Variants in SMYD3 observed in about 807,000 individuals in gnomAD.
The protein encoded by SMYD3 is SET and MYND domain containing 3.
Under a neutral mutation model 57.7 loss-of-function variants are expected in SMYD3, and 36 were observed. The ratio of observed to expected loss-of-function variants is 0.62; its 90% confidence interval spans 0.48 to 0.82. The LOEUF (loss-of-function observed/expected upper bound fraction) is 0.82. SMYD3 is among the 40% of genes least tolerant of loss of function. The pLI, the probability that SMYD3 is intolerant of heterozygous loss-of-function variation, is 0.00. For synonymous variants in SMYD3, 211 were observed against 195.0 expected (o/e 1.08, Z -0.68); for missense variants, 515 against 538.8 (o/e 0.96, Z 0.44).
At chr1:246,219,834 T>A (rs997380144) in intron 5 of SMYD3, among the ~76,000 whole-genome samples, 1 of 152,004 alleles carries the variant, frequency 6.6e-6, no homozygotes, top group African/African-American at 2.4e-5. Flanking sequence ...CCTGCATGCC[T>A]CCTTTCATGA....
chr1:245,914,787 A>G (rs541055666), intron 8 of SMYD3, among the ~76,000 whole-genome samples: 107 of 152,352 alleles, frequency 7.0e-4, no homozygotes, highest in African/African-American at 2.4e-3. Flanking sequence ...ATGAGGTGAC[A>G]GATATGCTAA....
chr1:246,246,225 G>A (rs913953791), intron 5 of SMYD3, among the ~76,000 whole-genome samples: 9 of 152,150 alleles, frequency 5.9e-5, no homozygotes, highest in African/African-American at 1.4e-4. Flanking sequence ...TTAATAAAAC[G>A]TTCTTCTCTT....
intron 1 of SMYD3, among the ~76,000 whole-genome samples, chr1:246,423,041 T>A (rs2067165823): frequency 1.3e-5 from 2 of 152,144 alleles, no homozygotes; most frequent in Non-Finnish European, 1.5e-5. Flanking sequence ...CTCAGGCATA[T>A]AATTCCAATC....
intron 1 of SMYD3, among the ~76,000 whole-genome samples, chr1:246,497,230 T>C (rs2068377674): frequency 6.6e-6 from 1 of 152,250 alleles, no homozygotes; most frequent in African/African-American, 2.4e-5. Context: ...TTTCGACTCT[T>C]ATTGTGAAAA....
chr1:246,130,595 C>T (rs1053147987), intron 5 of SMYD3, among the ~76,000 whole-genome samples: 44 of 152,076 alleles, frequency 2.9e-4, no homozygotes, highest in African/African-American at 9.7e-4. Flanking sequence ...TTTTTATTCT[C>T]GTTATATAAC....
At chr1:245,893,905 T>C (rs1343355078) in intron 8 of SMYD3, among the ~76,000 whole-genome samples, 1 of 152,236 alleles carries the variant, frequency 6.6e-6, no homozygotes, top group Non-Finnish European at 1.5e-5. Flanking sequence ...CTTATCACTA[T>C]AGAAACAGCA....
At chr1:245,989,936 T>C (rs1433561680) in intron 5 of SMYD3, among the ~76,000 whole-genome samples, 1 of 152,260 alleles carries the variant, frequency 6.6e-6, no homozygotes, top group Non-Finnish European at 1.5e-5. Flanking sequence ...ACATACCAAA[T>C]ACAAAAGATC....
At chr1:246,227,958 T>C (rs1335238123) in intron 5 of SMYD3, among the ~76,000 whole-genome samples, 4 of 71,400 alleles carry the variant, frequency 5.6e-5, no homozygotes, top group Non-Finnish European at 9.7e-5. Context: ...TTTTATTCCT[T>C]TTTTTTTTTT....
chr1:245,993,908 A>G (rs1403434258), intron 5 of SMYD3, among the ~76,000 whole-genome samples: 1 of 152,228 alleles, frequency 6.6e-6, no homozygotes, highest in African/African-American at 2.4e-5. Context: ...TATGTTATGT[A>G]TATCTTACCA....
chr1:246,111,954 C>T (rs2061251674), intron 5 of SMYD3, among the ~76,000 whole-genome samples: 1 of 152,202 alleles, frequency 6.6e-6, no homozygotes, highest in Non-Finnish European at 1.5e-5. Context: ...TCACATTATA[C>T]TTAACCTTGA....
At chr1:246,254,467 G>T (rs1212383984) in intron 5 of SMYD3, among the ~76,000 whole-genome samples, 1 of 151,976 alleles carries the variant, frequency 6.6e-6, no homozygotes, top group East Asian at 1.9e-4. Flanking sequence ...TTTATTTTGG[G>T]GTTCTCCACT....
At chr1:245,911,203 A>G (rs1393358092) in intron 8 of SMYD3, among the ~76,000 whole-genome samples, 3 of 152,164 alleles carry the variant, frequency 2.0e-5, no homozygotes, top group Admixed American at 6.5e-5. Flanking sequence ...ACTATAAAAA[A>G]GTAAGAAAAT....
chr1:245,985,099 T>C (rs999568349), intron 5 of SMYD3, among the ~76,000 whole-genome samples: 12 of 152,106 alleles, frequency 7.9e-5, no homozygotes, highest in Non-Finnish European at 1.5e-4. Flanking sequence ...AACCTCTCCC[T>C]ATCCTGGATC....
At chr1:246,182,661 A>G (rs573285697) in intron 5 of SMYD3, among the ~76,000 whole-genome samples, 1 of 152,288 alleles carries the variant, frequency 6.6e-6, no homozygotes, top group East Asian at 1.9e-4. Context: ...CCACCATATA[A>G]AGCACTTTGA....
intron 3 of SMYD3, among the ~76,000 whole-genome samples, chr1:246,335,138 C>T (rs1005463105): frequency 1.3e-5 from 2 of 152,090 alleles, no homozygotes; most frequent in African/African-American, 4.8e-5. Context: ...GTACATTGTT[C>T]TGTTGGCATA....
At chr1:246,392,806 GA>G (rs35750695) in intron 1 of SMYD3, among the ~76,000 whole-genome samples, 67,805 of 139,128 alleles carry the variant, frequency 0.49, 15,975 homozygotes, top group African/African-American at 0.53. Flanking sequence ...AAAAGAAAAA[GA>G]AAAAAAAAAA....
chr1:245,901,381 G>A (rs2054170377), intron 8 of SMYD3, among the ~76,000 whole-genome samples: 1 of 152,136 alleles, frequency 6.6e-6, no homozygotes, highest in Non-Finnish European at 1.5e-5. Flanking sequence ...GATTTCTTTA[G>A]ACAATCTGAT....
intron 8 of SMYD3, among the ~76,000 whole-genome samples, chr1:245,879,035 T>A (rs895742142): frequency 6.6e-6 from 1 of 152,236 alleles, no homozygotes; most frequent in Non-Finnish European, 1.5e-5. Context: ...AGGTTTCATG[T>A]TAACACATCT....
At chr1:246,323,874 T>TTTTTTTTTTTTTTTTTTTTTTTTTGAG (rs1468215017) in intron 5 of SMYD3, among the ~76,000 whole-genome samples, 1 of 151,890 alleles carries the variant, frequency 6.6e-6, no homozygotes, top group African/African-American at 2.4e-5. Context: ...AGACTAATTC[T>TTTTTTTTTTTTTTTTTTTTTTTTTGAG]AATGAAGGTT....
Sources: gnomAD v4.1 joint callset for allele counts (sites outside exome capture counted in the v4.1 genomes callset) on GRCh38, gnomAD v4.1.1 for gene constraint, MANE v1.5 for transcripts, NCBI Gene and HGNC (gene_info 2026-07-23, HGNC 2026-07-21) for gene names.